The following AGBL4 variants were observed in gnomAD, a reference collection of about 807,000 sequenced individuals.
AGBL4 encodes the protein AGBL carboxypeptidase 4, also known as cytosolic carboxypeptidase 6.
In AGBL4, 58 loss-of-function variants were observed where a neutral mutation model predicts 66.4. The observed-to-expected ratio is 0.87, with a 90% CI of 0.71 to 1.09. AGBL4 has a LOEUF of 1.09. Ranked by LOEUF, AGBL4 falls within the 50% of genes least tolerant of loss-of-function variation. The pLI, the probability that AGBL4 is intolerant of heterozygous loss-of-function variation, is 0.00. For synonymous variants in AGBL4, 234 were observed against 222.9 expected, an observed-to-expected ratio of 1.05 and a Z score of -0.44; for missense variants, 579 against 631.0, an observed-to-expected ratio of 0.92 and a Z score of 0.88.
chr1:49,294,712 A>C (rs1312824653), intron 3 of AGBL4, among the ~76,000 whole-genome samples: 3 of 152,180 alleles, frequency 2.0e-5, no homozygotes, highest in Non-Finnish European at 4.4e-5. Flanking sequence ...ACATAGCTCT[A>C]GAATGCTTTT....
chr1:49,059,239 C>A (rs1462488049), intron 4 of AGBL4, among the ~76,000 whole-genome samples: 1 of 152,226 alleles, frequency 6.6e-6, no homozygotes, highest in Non-Finnish European at 1.5e-5. Flanking sequence ...TGGTGTCCTG[C>A]TCCCAGCTGC....
At chr1:49,996,892 T>C (rs757336916) in intron 1 of AGBL4, among the ~76,000 whole-genome samples, 4 of 152,206 alleles carry the variant, frequency 2.6e-5, no homozygotes, top group Non-Finnish European at 4.4e-5. Flanking sequence ...TAGAAGGTAC[T>C]GAGGTCCTAT....
chr1:49,916,330 C>T (rs1399005413), intron 1 of AGBL4, among the ~76,000 whole-genome samples: 1 of 152,044 alleles, frequency 6.6e-6, no homozygotes, highest in Non-Finnish European at 1.5e-5. Flanking sequence ...AAGCTAAAAA[C>T]CTTGAAAAAA....
At chr1:49,260,119 GAC>G (rs1436539488) in intron 3 of AGBL4, among the ~76,000 whole-genome samples, 1 of 149,914 alleles carries the variant, frequency 6.7e-6, no homozygotes, top group Non-Finnish European at 1.5e-5. Flanking sequence ...CGAGAACAAA[GAC>G]ACAACATACC....
chr1:48,599,847 G>A (rs1340054999), intron 9 of AGBL4, among the ~76,000 whole-genome samples: 1 of 152,138 alleles, frequency 6.6e-6, no homozygotes, highest in Non-Finnish European at 1.5e-5. Context: ...AAGAACCCTG[G>A]GGGAGAGGAC....
At chr1:48,846,309 T>C (rs1008410485) in intron 6 of AGBL4, among the ~76,000 whole-genome samples, 1 of 144,930 alleles carries the variant, frequency 6.9e-6, no homozygotes. Flanking sequence ...GATAGATAGA[T>C]AGACAGATAG....
chr1:48,532,645 T>C (rs1421673918), downstream of AGBL4, among the ~76,000 whole-genome samples: 5 of 152,178 alleles, frequency 3.3e-5, no homozygotes, highest in Non-Finnish European at 7.3e-5. Flanking sequence ...TCTTGGTGCA[T>C]GCCAAGCTGG....
At chr1:49,307,081 T>A (rs1052839340) in intron 3 of AGBL4, among the ~76,000 whole-genome samples, 1 of 152,220 alleles carries the variant, frequency 6.6e-6, no homozygotes, top group African/African-American at 2.4e-5. Context: ...CCAGGTAAAG[T>A]TGGAAAGAAA....
At chr1:49,018,174 T>G (rs1434685954) in intron 5 of AGBL4, among the ~76,000 whole-genome samples, 2 of 152,220 alleles carry the variant, frequency 1.3e-5, no homozygotes, top group African/African-American at 4.8e-5. Context: ...AGATTAGCTG[T>G]GCTCAGTTTC....
chr1:49,839,360 G>A (rs1454635853), intron 2 of AGBL4, among the ~76,000 whole-genome samples: 1 of 152,056 alleles, frequency 6.6e-6, no homozygotes, highest in Admixed American at 6.6e-5. Flanking sequence ...AGAATTTCTA[G>A]ACATAGTGAA....
intron 4 of AGBL4, among the ~76,000 whole-genome samples, chr1:49,090,837 A>C (rs1644990372): frequency 6.6e-6 from 1 of 152,212 alleles, no homozygotes; most frequent in African/African-American, 2.4e-5. Context: ...ACTTCAAACT[A>C]TATTACAAGG....
intron 7 of AGBL4, among the ~76,000 whole-genome samples, chr1:48,661,037 A>C (rs1646098635): frequency 6.6e-6 from 1 of 152,228 alleles, no homozygotes; most frequent in African/African-American, 2.4e-5. Context: ...CCATAAGATG[A>C]ACAAGAAACC....
At chr1:49,149,053 T>A (rs1042451267) in intron 4 of AGBL4, among the ~76,000 whole-genome samples, 1 of 152,306 alleles carries the variant, frequency 6.6e-6, no homozygotes, top group African/African-American at 2.4e-5. Flanking sequence ...GAGCTATGTA[T>A]GGACCCAGGC....
At chr1:49,417,648 AAATGGGGTTTTTGAAACCTCAT>A (rs1296835152) in intron 3 of AGBL4, among the ~76,000 whole-genome samples, 1 of 152,160 alleles carries the variant, frequency 6.6e-6, no homozygotes, top group Non-Finnish European at 1.5e-5. Context: ...TTGAAACAAG[AAATGGGGTTTTTGAAACCTCAT>A]AATGTGTCCC....
At chr1:48,813,075 AGT>A (rs1646093306) in intron 6 of AGBL4, among the ~76,000 whole-genome samples, 2 of 151,576 alleles carry the variant, frequency 1.3e-5, no homozygotes, top group Non-Finnish European at 2.9e-5. Context: ...CAAACCTGCA[AGT>A]TGTGCACATG....
intron 7 of AGBL4, among the ~76,000 whole-genome samples, chr1:48,655,819 G>A (rs1191367315): frequency 6.6e-6 from 1 of 152,190 alleles, no homozygotes; most frequent in Non-Finnish European, 1.5e-5. Flanking sequence ...TCTAGTTTTG[G>A]CTTAGTTACG....
At chr1:49,070,711 T>C (rs1644585468) in intron 4 of AGBL4, among the ~76,000 whole-genome samples, 1 of 151,992 alleles carries the variant, frequency 6.6e-6, no homozygotes, top group Non-Finnish European at 1.5e-5. Flanking sequence ...GTTGTGTCTC[T>C]GCCCGGTTTT....
chr1:48,846,412 A>AGAAG (rs1491490075), intron 6 of AGBL4, among the ~76,000 whole-genome samples: 1 of 151,916 alleles, frequency 6.6e-6, no homozygotes, highest in East Asian at 1.9e-4. Flanking sequence ...AAAGAAAGAA[A>AGAAG]GAAAGAAAGA....
At chr1:49,087,977 C>G (rs1320255673) in intron 4 of AGBL4, among the ~76,000 whole-genome samples, 1 of 152,176 alleles carries the variant, frequency 6.6e-6, no homozygotes, top group Non-Finnish European at 1.5e-5. Context: ...AGTTTTATAT[C>G]CAGCCAAACT....
Sources: allele counts gnomAD v4.1 joint callset (sites outside exome capture counted in the v4.1 genomes callset), GRCh38; gene constraint gnomAD v4.1.1; transcripts MANE v1.5; gene names NCBI Gene and HGNC (gene_info 2026-07-23, HGNC 2026-07-21).